ATP4A: variants seen among roughly 807,000 people sequenced by gnomAD.
ATP4A encodes potassium-transporting ATPase alpha chain 1.
A neutral mutation model predicts 112.1 loss-of-function variants in ATP4A; 73 were observed. That is an observed-to-expected ratio of 0.65 (90% CI 0.54 to 0.79). ATP4A has a LOEUF of 0.79. Among genes scored for constraint, ATP4A ranks in the 30% least tolerant of loss-of-function variants. The pLI, the probability that ATP4A is intolerant of heterozygous loss-of-function variation, is 0.00. For missense variants in ATP4A, 1,081 were observed against 1,425.9 expected, an observed-to-expected ratio of 0.76 and a Z score of 3.90; for synonymous variants, 588 against 588.9, an observed-to-expected ratio of 1.00 and a Z score of 0.02.
At chr19:35,552,910 A>G in intron 18 of ATP4A, 127 bp downstream of exon 18, 2 of 1,242,894 alleles carry the variant, frequency 1.6e-6, no homozygotes, top group Admixed American at 2.6e-5. Context: ...ACTGGCAGGG[A>G]GTCTGGGGGT....
chr19:35,559,959 T>A lies in ATP4A; in HGVS notation c.902A>T (p.His301Leu), dbSNP rs2071657895. 1 of 1,614,204 alleles carries A rather than the reference T, an allele frequency of 6.2e-7. No individual in the cohort carries two copies. ...CAGGCCCGCGATGATGTCCACAAAA[T>A]GCTCGATCTCGATAGCGATGGGTGT... ...EKTPIAIEIE[H>L]FVDIIAGLAI... Residue 301 changes from histidine to leucine, a missense_variant, in exon 7 of 22, where the codon CAT (histidine) becomes CTT (leucine). By Grantham distance (99) the His-to-Leu change is moderately conservative (BLOSUM62 -3). Coordinates refer to ENST00000262623, the MANE Select transcript of ATP4A (RefSeq NM_000704.3). This position sits in a 1 kb window ranked among gnomAD's most constrained non-coding sequence, Gnocchi z 4.1.
rs749801932 is a variant in ATP4A, at chr19:35,551,479, G to A, written c.2853C>T (p.Arg951=). Residue 951 remains arginine, a synonymous_variant, in exon 19 of 22, where the codon CGC becomes CGT. Transcript: ENST00000262623. The surrounding 1 kb of genome is among the most constrained non-coding windows in gnomAD (Gnocchi z 5.2). Reference sequence around the variant, plus strand: ...AGCCTTGCTGGAAGGCAGAGAGACGGCGCGTCTTGCGGATGAGGACATCGG... The same window carrying A: ...AGCCTTGCTGGAAGGCAGAGAGACGACGCGTCTTGCGGATGAGGACATCGG... ...QIADVLIRKT[R]RLSAFQQGFF... 29 of 1,614,038 alleles carry A rather than the reference G, an allele frequency of 1.8e-5. No individual in the cohort carries two copies. In the Admixed American group the frequency reaches 4.8e-4, roughly 27 times the overall value.
At position 35,550,552 on chromosome 19, in the gene ATP4A, TCCCACGAGCCCTGCC is replaced by T; in HGVS notation, c.*48_*62del. 2.5e-6 allele frequency: 4 copies of T among 1,598,160 alleles called. No individual in the cohort carries two copies. Among genetic ancestry groups the T allele is most frequent in the Non-Finnish European group, 3.4e-6 (4 of 1,166,590 alleles). ...GATATCTTGGTGGCTGTCCAGAGGG[TCCCACGAGCCCTGCC>T]CCCACCTGCTGTGGCAGTTGCAGGG... is the stretch of plus-strand genomic sequence containing the variant. On this transcript the variant is annotated 3_prime_UTR_variant, in exon 22 of 22. Coordinates refer to ENST00000262623, the MANE Select transcript of ATP4A (RefSeq NM_000704.3). The surrounding 1 kb of genome is among the most constrained non-coding windows in gnomAD (Gnocchi z 4.1).
rs528303940 is a variant in ATP4A, at chr19:35,551,856, G to C, written c.2752-276C>G. 1.1e-4 allele frequency among the ~76,000 whole-genome samples: 16 copies of C among 152,252 alleles called. No individual in the cohort carries two copies. The highest frequency in any genetic ancestry group is 2.6e-4 in the African/African-American group (11 of 41,554). On this transcript the variant is annotated intron_variant, in intron 18 of 21. Transcript: ENST00000262623. The surrounding 1 kb of genome is among the most constrained non-coding windows in gnomAD (Gnocchi z 5.2). The stretch of plus-strand genomic sequence containing the variant: ...GGGCCGACTGCTTTCATAGTGAAAG[G>C]GGGGAGGCACCCAAAAGAAAGGGCC...
chr19:35,551,439 A>AG lies in ATP4A; in HGVS notation c.2885+7dup. On this transcript the variant is annotated splice_region_variant and intron_variant, in intron 19 of 21. Transcript: ENST00000262623. The surrounding 1 kb of genome is among the most constrained non-coding windows in gnomAD (Gnocchi z 5.2). The stretch of plus-strand genomic sequence containing the variant: ...TTGGAGGGCAGGAAGAGGGCCAGCC[A>AG]GGGACACCTGAAGAAGCCTTGCTGG... 1 of 1,614,018 alleles carries AG rather than the reference A, an allele frequency of 6.2e-7. No individual in the cohort carries two copies. Among genetic ancestry groups the AG allele is most frequent in the Non-Finnish European group, 8.5e-7 (1 of 1,180,022 alleles).
At chr19:35,554,862 C>T in intron 16 of ATP4A, 60 bp downstream of exon 16, 1 of 1,605,198 alleles carries the variant, frequency 6.2e-7, no homozygotes, top group Non-Finnish European at 8.5e-7. Context: ...CCCTCCTGTC[C>T]ATCTGCAAGC....
Position 35,558,798 on chromosome 19 carries a change from T to C in ATP4A, c.1256-112A>G, listed in dbSNP as rs537151167. The stretch of plus-strand genomic sequence containing the variant: ...GCCCCCTCCCCAGACCTGGGTGGAA[T>C]TGGGTTCCACCCAACCCTGAGGGAC... On this transcript the variant is annotated intron_variant, in intron 8 of 21. Coordinates refer to ENST00000262623, the MANE Select transcript of ATP4A (RefSeq NM_000704.3). The surrounding 1 kb of genome is among the most constrained non-coding windows in gnomAD (Gnocchi z 5.1). 1,307 of 1,299,796 alleles carry C rather than the reference T, an allele frequency of 1.0e-3. 11 individuals carry two copies. Among genetic ancestry groups the C allele is most frequent in the South Asian group, 7.8e-3 (536 of 68,896 alleles). The allele number at this position is 1,299,796 out of a possible 1,614,324, so 80.5% of individuals were successfully genotyped here.
At position 35,563,508 on chromosome 19, in the gene ATP4A, G is replaced by A. The variant is rs780650317; in HGVS notation, c.32C>T (p.Ser11Leu). 69 of 1,598,886 alleles carry A rather than the reference G, an allele frequency of 4.3e-5. No individual in the cohort carries two copies. The highest frequency in any genetic ancestry group is 2.5e-4 in the East Asian group (11 of 43,818). MGKAENYELYSVELGPGPGGD... is the reference protein window; with the variant it reads MGKAENYELYLVELGPGPGGD... ...GCCAGGGCCAGGACCCAGCTCCACC[G>A]AGTAGAGCTCATAGTTCTCCTGGGA... The change falls in exon 2 of 22, where the codon TCG becomes TTG. Residue 11 changes from serine to leucine, a missense_variant. By Grantham distance (145) the Ser-to-Leu change is moderately radical. This residue lies in a region of ATP4A where 850 missense variants were observed against 1,068.2 expected (regional missense o/e 0.80). Coordinates refer to ENST00000262623, the MANE Select transcript of ATP4A (RefSeq NM_000704.3).
Position 35,559,245 on chromosome 19 carries a change from C to G in ATP4A, c.1057-54G>C, listed in dbSNP as rs1031562007. On this transcript the variant is annotated intron_variant, in intron 7 of 21. Transcript: ENST00000262623. The surrounding 1 kb of genome is among the most constrained non-coding windows in gnomAD (Gnocchi z 4.1). ...GGGACCCACCCTGGCTTCCAGTCCT[C>G]TTCCCCGCGTCAAAGAACGGGGAAG... 2.1e-5 allele frequency: 33 copies of G among 1,582,762 alleles called. No homozygotes were observed. The highest frequency in any genetic ancestry group is 2.8e-5 in the Non-Finnish European group (32 of 1,156,638).
Position 35,554,833 on chromosome 19 carries a change from T to C in ATP4A, c.2481+89A>G, listed in dbSNP as rs191841641. 795 of 1,545,872 alleles carry C rather than the reference T, an allele frequency of 5.1e-4. 3 individuals are homozygous for C. The African/African-American group carries it at 9.3e-3, about 18-fold the overall frequency. On this transcript the variant is annotated intron_variant, in intron 16 of 21. Coordinates refer to ENST00000262623, the MANE Select transcript of ATP4A (RefSeq NM_000704.3). ...TTGTCTGTCACTCTGTGCCCAAGAG[T>C]GTCTGTGGTGGTCTCTGTCCCTCCT... is the stretch of plus-strand genomic sequence containing the variant.
rs1196613054 is a variant in ATP4A, at chr19:35,555,308, A to T, written c.2184T>A (p.Asp728Glu). 4 of 1,613,980 alleles carry T rather than the reference A, an allele frequency of 2.5e-6. No individual in the cohort carries two copies. Among genetic ancestry groups the T allele is most frequent in the Non-Finnish European group, 1.7e-6 (2 of 1,179,942 alleles). The change falls in exon 15 of 22, where the codon GAT (aspartate) becomes GAA (glutamate). Residue 728 changes from aspartate (D) to glutamate (E), a missense_variant. Coordinates refer to ENST00000262623, the MANE Select transcript of ATP4A (RefSeq NM_000704.3). The surrounding 1 kb of genome is among the most constrained non-coding windows in gnomAD (Gnocchi z 6.6). Reference protein sequence around the residue: ...RLGAIVAVTGDGVNDSPALKK... With the variant: ...RLGAIVAVTGEGVNDSPALKK... ...TCAGAGCTGGGGAGTCATTCACACCATCCCCCGTGACGGCCACAATCGCAC... is the reference window on the plus strand; with the variant it reads ...TCAGAGCTGGGGAGTCATTCACACCTTCCCCCGTGACGGCCACAATCGCAC...
Position 35,557,889 on chromosome 19 carries a change from G to T in ATP4A, c.1501-42C>A. The T allele has an allele frequency of 2.8e-6, 3 of 1,061,038 alleles. No homozygotes were observed. Among genetic ancestry groups the T allele is most frequent in the East Asian group, 2.9e-5 (1 of 35,048 alleles). The allele number at this position is 1,061,038 out of a possible 1,614,324, so 65.7% of individuals were successfully genotyped here. On this transcript the variant is annotated intron_variant, in intron 10 of 21. Coordinates refer to ENST00000262623, the MANE Select transcript of ATP4A (RefSeq NM_000704.3). This position sits in a 1 kb window ranked among gnomAD's most constrained non-coding sequence, Gnocchi z 4.4. ...GAGGCGAGGCTGTGGACGGGGGAAC[G>T]GGGCGGGGCTGTGGACGAGGGAACG...
chr19:35,556,955 G>A lies in ATP4A; in HGVS notation c.1827C>T (p.Thr609=), dbSNP rs144001640. ...GACACTTGAGCACAGCATCAGGGAC[G>A]GTGGCCCGGGGTGGGTCAATCATGG... is the stretch of plus-strand genomic sequence containing the variant. ...LVSMIDPPRA[T]VPDAVLKCRT... Residue 609 remains threonine, a synonymous_variant, in exon 12 of 22, where the codon ACC becomes ACT. Transcript: ENST00000262623. 6 of 1,614,052 alleles carry A rather than the reference G, an allele frequency of 3.7e-6. No individual in the cohort carries two copies. The highest frequency in any genetic ancestry group is 1.6e-4 in the Middle Eastern group (1 of 6,084).
chr19:35,558,861 C>A lies in ATP4A; in HGVS notation c.1255+132G>T. ...TGACCCTTCCCTCTAGACCCGGTAG[C>A]GAGTCTCCTTTGAGACCTGGAGCCG... On this transcript the variant is annotated intron_variant, in intron 8 of 21. Transcript: ENST00000262623. The surrounding 1 kb of genome is among the most constrained non-coding windows in gnomAD (Gnocchi z 5.1). 1.5e-6 allele frequency: 2 copies of A among 1,312,106 alleles called. No individual in the cohort carries two copies. Among genetic ancestry groups the A allele is most frequent in the Non-Finnish European group, 2.1e-6 (2 of 947,108 alleles). The allele number at this position is 1,312,106 out of a possible 1,614,324, so 81.3% of individuals were successfully genotyped here.
rs536161873 is a variant in ATP4A, at chr19:35,558,163, G to A, written c.1500+199C>T. 2.7e-6 allele frequency: 2 copies of A among 732,684 alleles called. No homozygotes were observed. The highest frequency in any genetic ancestry group is 2.7e-5 in the East Asian group (1 of 36,530). The allele number at this position is 732,684 out of a possible 1,614,324, so 45.4% of individuals were successfully genotyped here. ...CCATGGACAGTCCCGCCGAGGAGAA[G>A]CTGTGGGCGGGGCTGGGTGGTGGGC... On this transcript the variant is annotated intron_variant, in intron 10 of 21. Transcript: ENST00000262623. This position sits in a 1 kb window ranked among gnomAD's most constrained non-coding sequence, Gnocchi z 5.1.
Position 35,553,789 on chromosome 19 carries a change from T to A in ATP4A, c.2522A>T (p.Asp841Val). 2 of 1,603,660 alleles carry A rather than the reference T, an allele frequency of 1.2e-6. No homozygotes were observed. Among genetic ancestry groups the A allele is most frequent in the Non-Finnish European group, 1.7e-6 (2 of 1,175,286 alleles). ...VSLAYEKAES[D>V]IMHLRPRNPK... Reference sequence around the variant, plus strand: ...GTTGCGTGGACGCAGGTGCATGATGTCACTCTCGGCCTTTTCATATGCCAG... The same window carrying A: ...GTTGCGTGGACGCAGGTGCATGATGACACTCTCGGCCTTTTCATATGCCAG... Residue 841 changes from aspartate to valine, a missense_variant, in exon 17 of 22, where the codon GAC becomes GTC. By Grantham distance (152) the Asp-to-Val change is radical (BLOSUM62 -3). Transcript: ENST00000262623.
At position 35,558,570 on chromosome 19, in the gene ATP4A, C is replaced by G. The variant is rs1465112645; in HGVS notation, c.1365+7G>C. The stretch of plus-strand genomic sequence containing the variant: ...CCGGGATTCCCTGGAGGCCCCCTGG[C>G]TCTCACCTTGGGCACAGGCACTGCA... On this transcript the variant is annotated splice_region_variant and intron_variant, in intron 9 of 21. Coordinates refer to ENST00000262623, the MANE Select transcript of ATP4A (RefSeq NM_000704.3). The surrounding 1 kb of genome is among the most constrained non-coding windows in gnomAD (Gnocchi z 5.1). The G allele has an allele frequency of 6.3e-7, 1 of 1,599,756 alleles. No individual in the cohort carries two copies.
In ATP4A at chr19:35,555,358, TG is replaced by T. The variant is rs748481547; in HGVS notation, c.2158-25del. The T allele has an allele frequency of 5.7e-5, 91 of 1,605,394 alleles. 1 individual carries two copies. Among genetic ancestry groups the T allele is most frequent in the South Asian group, 1.8e-4 (16 of 89,966 alleles). ...CCCTGCAGGCAGTGGGTGCAGGTGG[TG>T]GGTGGGTGGTCAGTGAGAGGCCGGT... On this transcript the variant is annotated intron_variant, in intron 14 of 21. Coordinates refer to ENST00000262623, the MANE Select transcript of ATP4A (RefSeq NM_000704.3). This position sits in a 1 kb window ranked among gnomAD's most constrained non-coding sequence, Gnocchi z 6.6.
In ATP4A at chr19:35,551,577, ATG is replaced by A. The variant is rs769783867; in HGVS notation, c.2753_2754del (p.Thr918IlefsTer20). 6.2e-7 allele frequency: 1 copy of A among 1,612,078 alleles called. No individual in the cohort carries two copies. The highest frequency in any genetic ancestry group is 1.1e-5 in the South Asian group (1 of 90,654). ...TACTGCTGGTACAGGCGCTGCCCGA[ATG>A]TCTGCAGGCCAGGGGCAAACGGAAA... The part of the protein sequence containing the change: ...DLQDSYGQEW[T>X]FGQRLYQQYT... On this transcript the variant is annotated frameshift_variant and splice_region_variant, in exon 19 of 22. Transcript: ENST00000262623. LOFTEE classifies it high-confidence loss of function. This position sits in a 1 kb window ranked among gnomAD's most constrained non-coding sequence, Gnocchi z 5.2.
Sources: gnomAD v4.1 joint callset for allele counts (sites outside exome capture counted in the v4.1 genomes callset) on GRCh38, gnomAD v4.1.1 for gene constraint, gnomAD v4.1.1 regional missense constraint, Gnocchi (gnomAD v3.1) non-coding constraint, MANE v1.5 for transcripts, NCBI Gene and HGNC (gene_info 2026-07-23, HGNC 2026-07-21) for gene names.